The following ANO3 variants were observed in gnomAD, a reference collection of about 807,000 sequenced individuals.
The protein encoded by ANO3 is anoctamin-3.
A neutral mutation model predicts 144.8 loss-of-function variants in ANO3; 99 were observed. The observed-to-expected ratio is 0.68, with a 90% CI of 0.58 to 0.81. ANO3 has a LOEUF of 0.81. Ranked by LOEUF, ANO3 falls within the 30% of genes least tolerant of loss-of-function variation. The pLI is 0.00. For synonymous variants in ANO3, 414 were observed against 392.6 expected (o/e 1.05, Z -0.64); for missense variants, 905 against 1,202.2 (o/e 0.75, Z 3.66).
chr11:26,651,926 T>C (rs1373849495), intron 24 of ANO3, among the ~76,000 whole-genome samples: 2 of 152,248 alleles, frequency 1.3e-5, no homozygotes, highest in Non-Finnish European at 2.9e-5. Context: ...CCTGGATCTC[T>C]AAAGCATTGG....
intron 1 of ANO3, among the ~76,000 whole-genome samples, chr11:26,214,402 G>A (rs1341153226): frequency 6.6e-6 from 1 of 151,740 alleles, no homozygotes; most frequent in African/African-American, 2.4e-5. Flanking sequence ...AAGAACTAGG[G>A]TTGGATTTTA....
chr11:26,210,301 T>C (rs1472872814), intron 1 of ANO3, among the ~76,000 whole-genome samples: 1 of 152,162 alleles, frequency 6.6e-6, no homozygotes, highest in Non-Finnish European at 1.5e-5. Context: ...TGTAGATGTG[T>C]GACATTATTT....
At chr11:26,429,578 G>T (rs1299925675) in intron 1 of ANO3, among the ~76,000 whole-genome samples, 2 of 151,740 alleles carry the variant, frequency 1.3e-5, no homozygotes, top group Non-Finnish European at 2.9e-5. Context: ...AATGTAAATG[G>T]ATTTAACCTA....
At chr11:26,267,143 T>C (rs1853332511) in intron 1 of ANO3, among the ~76,000 whole-genome samples, 1 of 148,376 alleles carries the variant, frequency 6.7e-6, no homozygotes, top group African/African-American at 2.5e-5. Context: ...GTATATAAAG[T>C]CAAACATGGG....
At chr11:26,324,816 C>T (rs998840794) in intron 1 of ANO3, among the ~76,000 whole-genome samples, 1 of 152,112 alleles carries the variant, frequency 6.6e-6, no homozygotes, top group African/African-American at 2.4e-5. Context: ...CTAATATTAC[C>T]GTTAGGTACT....
At chr11:26,277,594 AC>A (rs1171586238) in intron 1 of ANO3, among the ~76,000 whole-genome samples, 2 of 151,964 alleles carry the variant, frequency 1.3e-5, no homozygotes, top group Non-Finnish European at 1.5e-5. Context: ...AACTGCGCTA[AC>A]CTAGAGAAGT....
chr11:26,384,470 T>C (rs1189337465), intron 1 of ANO3, among the ~76,000 whole-genome samples: 1 of 152,176 alleles, frequency 6.6e-6, no homozygotes, highest in African/African-American at 2.4e-5. Context: ...GAATGGATTA[T>C]ATGAGGTAGG....
At chr11:26,476,897 G>A (rs1859997213) in intron 4 of ANO3, among the ~76,000 whole-genome samples, 3 of 122,714 alleles carry the variant, frequency 2.4e-5, no homozygotes, top group Admixed American at 9.6e-5. Context: ...TTTTGTGTGT[G>A]TGTGTATGTG....
At chr11:26,197,135 C>A (rs1012537339) in intron 1 of ANO3, among the ~76,000 whole-genome samples, 2 of 152,002 alleles carry the variant, frequency 1.3e-5, no homozygotes, top group Non-Finnish European at 2.9e-5. Flanking sequence ...CATGGGTGTC[C>A]AGCAATAATT....
chr11:26,589,867 G>C lies in ANO3; in HGVS notation c.1448-8498G>C, dbSNP rs143221977. Among the ~76,000 whole-genome samples, 40 of 152,252 alleles carry C rather than the reference G, an allele frequency of 2.6e-4. 1 individual carries two copies. In the East Asian group the frequency reaches 7.7e-3, roughly 29 times the overall value. ...TATTGCTGAATAACATTCCATTGTA[G>C]GGATACGCAATCTGTATTTCTCTAT... On this transcript the variant is annotated intron_variant, in intron 14 of 26. Coordinates refer to ENST00000256737, the MANE Select transcript of ANO3 (RefSeq NM_031418.4).
intron 14 of ANO3, among the ~76,000 whole-genome samples, chr11:26,586,015 A>G (rs1851264562): frequency 6.6e-6 from 1 of 152,146 alleles, no homozygotes; most frequent in Non-Finnish European, 1.5e-5. Flanking sequence ...GCTTGACCTT[A>G]TAGTTTTTGT....
chr11:26,396,345 T>C (rs976117001), intron 1 of ANO3, among the ~76,000 whole-genome samples: 7 of 152,078 alleles, frequency 4.6e-5, no homozygotes, highest in African/African-American at 1.7e-4. Flanking sequence ...TTGGTAGGGG[T>C]GTAAATTACT....
At chr11:26,501,592 C>G (rs1407796497) in intron 4 of ANO3, among the ~76,000 whole-genome samples, 1 of 152,008 alleles carries the variant, frequency 6.6e-6, no homozygotes, top group African/African-American at 2.4e-5. Context: ...CAAGAATATT[C>G]TACTTGTACA....
intron 1 of ANO3, among the ~76,000 whole-genome samples, chr11:26,297,544 A>G (rs889495384): frequency 6.6e-6 from 1 of 152,174 alleles, no homozygotes; most frequent in Non-Finnish European, 1.5e-5. Flanking sequence ...TATTGACATT[A>G]GTTTCCTTTA....
intron 6 of ANO3, among the ~76,000 whole-genome samples, chr11:26,520,880 A>G (rs1282621724): frequency 6.6e-6 from 1 of 152,104 alleles, no homozygotes; most frequent in Non-Finnish European, 1.5e-5. Context: ...TAATATTTTA[A>G]TAGTCTTTAT....
intron 1 of ANO3, among the ~76,000 whole-genome samples, chr11:26,433,487 A>G: frequency 6.6e-6 from 1 of 152,090 alleles, no homozygotes; most frequent in East Asian, 1.9e-4. Context: ...TCAAGGGGGA[A>G]TACTTTCAGC....
At chr11:26,521,514 G>A (rs902207638) in intron 6 of ANO3, among the ~76,000 whole-genome samples, 2 of 151,952 alleles carry the variant, frequency 1.3e-5, no homozygotes, top group Non-Finnish European at 2.9e-5. Context: ...CATTTTTCTA[G>A]CCACTACTTT....
rs570153906 is a variant in ANO3, at chr11:26,574,916, A to G, written c.1447+15137A>G. Among the ~76,000 whole-genome samples the G allele has an allele frequency of 7.2e-5, 11 of 152,220 alleles. No individual in the cohort carries two copies. The South Asian group carries it at 2.3e-3, about 31-fold the overall frequency. ...TATGCAAGTATACATACTTGCATGC[A>G]TACATACATAAATGGTGAGCTAAAG... is the stretch of plus-strand genomic sequence containing the variant. On this transcript the variant is annotated intron_variant, in intron 14 of 26. Transcript: ENST00000256737.
chr11:26,615,688 T>C lies in ANO3; in HGVS notation c.1837-8774T>C, dbSNP rs181864085. ...CCCTTCGATATTTTAAGATTTCATT[T>C]CCCTTTTTAAGACTACCTATACTCA... On this transcript the variant is annotated intron_variant, in intron 17 of 26. Transcript: ENST00000256737. Among the ~76,000 whole-genome samples the C allele has an allele frequency of 1.4e-3, 216 of 152,236 alleles. 1 individual carries two copies. The highest frequency in any genetic ancestry group is 4.6e-3 in the Admixed American group (70 of 15,286).
Sources: allele counts gnomAD v4.1 joint callset (sites outside exome capture counted in the v4.1 genomes callset), GRCh38; gene constraint gnomAD v4.1.1; transcripts MANE v1.5; gene names NCBI Gene and HGNC (gene_info 2026-07-23, HGNC 2026-07-21).